Variants in MTARC2 observed in about 807,000 individuals in gnomAD.
MTARC2 encodes MOCO sulphurase C-terminal domain containing 2.
A neutral mutation model predicts 35.6 loss-of-function variants in MTARC2; 27 were observed. The observed-to-expected ratio is 0.76, with a 90% confidence interval of 0.56 to 1.04. The LOEUF (loss-of-function observed/expected upper bound fraction) is 1.04, where lower values mean the gene tolerates loss of function less well. Ranked by LOEUF, MTARC2 falls within the 50% of genes least tolerant of loss-of-function variation. MTARC2 has a pLI of 0.00. For synonymous variants in MTARC2, 158 were observed against 167.1 expected (o/e 0.95, Z 0.42); for missense variants, 412 against 432.5 (o/e 0.95, Z 0.42).
At chr1:220,752,900 A>G (rs1274184579) in intron 1 of MTARC2, among the ~76,000 whole-genome samples, 2 of 151,780 alleles carry the variant, frequency 1.3e-5, no homozygotes, top group Non-Finnish European at 2.9e-5. Flanking sequence ...AATAAATAAT[A>G]CACATATGCA....
intron 4 of MTARC2, among the ~76,000 whole-genome samples, chr1:220,770,112 A>G (rs1054572279): frequency 8.5e-5 from 13 of 152,078 alleles, no homozygotes; most frequent in Admixed American, 2.0e-4. Flanking sequence ...GTCTCAAAAA[A>G]ACAAAAACAA....
chr1:220,763,024 G>T lies in MTARC2; in HGVS notation c.724G>T (p.Val242Leu). The T allele has an allele frequency of 1.2e-6, 2 of 1,614,152 alleles. No individual in the cohort carries two copies. Among genetic ancestry groups the T allele is most frequent in the South Asian group, 2.2e-5 (2 of 91,078 alleles). ...KMENFRPNIV[V>L]TGCDAFEEDT... is the part of the protein sequence containing the mutation. ...GGAGAATTTCAGGCCAAATATTGTG[G>T]TGACCGGCTGTGATGCTTTTGAGGA... The change falls in exon 4 of 8, where the codon GTG becomes TTG. Residue 242 changes from valine to leucine, a missense_variant. Physicochemically the swap from Val to Leu is conservative, Grantham distance 32. Coordinates refer to ENST00000366913, the MANE Select transcript of MTARC2 (RefSeq NM_017898.5).
At chr1:220,757,104 G>A (rs2102546662) in intron 2 of MTARC2, among the ~76,000 whole-genome samples, 1 of 152,350 alleles carries the variant, frequency 6.6e-6, no homozygotes, top group South Asian at 2.1e-4. Flanking sequence ...GTTTCACCAT[G>A]TTGGCCAGGC....
At chr1:220,762,773 A>T in intron 3 of MTARC2, 137 bp from the exon 4 acceptor site, 1 of 922,714 alleles carries the variant, frequency 1.1e-6, no homozygotes, top group Non-Finnish European at 1.7e-6. Flanking sequence ...GCCCAAACTC[A>T]CATCTCTCTC....
chr1:220,759,226 GT>G (rs35138984), intron 2 of MTARC2, among the ~76,000 whole-genome samples: 1 of 152,142 alleles, frequency 6.6e-6, no homozygotes, highest in East Asian at 1.9e-4. Flanking sequence ...GTCTATTCAA[GT>G]TTTTATGTCC....
intron 1 of MTARC2, among the ~76,000 whole-genome samples, chr1:220,752,678 C>T (rs373894695): frequency 3.6e-4 from 55 of 151,998 alleles, no homozygotes; most frequent in African/African-American, 1.3e-3. Context: ...GGGACCCCAT[C>T]TCTACAAAAA....
intron 4 of MTARC2, among the ~76,000 whole-genome samples, chr1:220,765,719 T>C (rs991249131): frequency 6.6e-5 from 10 of 152,192 alleles, no homozygotes; most frequent in Admixed American, 6.5e-4. Context: ...TAGCTGGGAC[T>C]ACAGGCATAT....
intron 1 of MTARC2, among the ~76,000 whole-genome samples, chr1:220,753,281 T>G: frequency 6.6e-6 from 1 of 150,648 alleles, no homozygotes; most frequent in Non-Finnish European, 1.5e-5. Context: ...CTCAGTGGGG[T>G]GGGGACTTGC....
chr1:220,780,726 G>A (rs1225063976), intron 6 of MTARC2, among the ~76,000 whole-genome samples: 4 of 152,122 alleles, frequency 2.6e-5, no homozygotes, highest in African/African-American at 9.7e-5. Context: ...TTACAGGCAT[G>A]AGCCACCATA....
chr1:220,763,676 A>G (rs1671501073), intron 4 of MTARC2, among the ~76,000 whole-genome samples: 1 of 152,234 alleles, frequency 6.6e-6, no homozygotes, highest in South Asian at 2.1e-4. Context: ...GGTGATAAGA[A>G]GGATTAGCCA....
At chr1:220,753,891 A>G (rs1326702635) in intron 1 of MTARC2, among the ~76,000 whole-genome samples, 3 of 152,090 alleles carry the variant, frequency 2.0e-5, no homozygotes, top group Non-Finnish European at 4.4e-5. Context: ...CTCTACTAAA[A>G]GTACAAAAAT....
At chr1:220,779,962 A>G (rs1558076669) in intron 4 of MTARC2, 56 bp from the exon 5 acceptor site, 2 of 1,332,086 alleles carry the variant, frequency 1.5e-6, no homozygotes, top group South Asian at 1.5e-5. Context: ...AAGAATAAAC[A>G]GACTCAAAGG....
chr1:220,773,843 T>C (rs757134618), intron 4 of MTARC2, among the ~76,000 whole-genome samples: 6 of 152,122 alleles, frequency 3.9e-5, no homozygotes, highest in Non-Finnish European at 8.8e-5. Flanking sequence ...AGATTTATTA[T>C]GAAAAACAAA....
At chr1:220,774,952 T>C (rs998102573) in intron 4 of MTARC2, among the ~76,000 whole-genome samples, 3 of 151,532 alleles carry the variant, frequency 2.0e-5, no homozygotes, top group Admixed American at 6.6e-5. Flanking sequence ...CCCGTGTGTG[T>C]GCGTGTGTGT....
chr1:220,763,180 C>T (rs1032179542), intron 4 of MTARC2, 130 bp downstream of exon 4: 1 of 1,307,344 alleles, frequency 7.6e-7, no homozygotes, highest in Admixed American at 2.0e-5. Flanking sequence ...GCTGCCATCA[C>T]TCATTGCTTG....
At chr1:220,772,683 GGTGTGTGTGTGTGTGTTTGT>G (rs1311619749) in intron 4 of MTARC2, among the ~76,000 whole-genome samples, 1 of 147,958 alleles carries the variant, frequency 6.8e-6, no homozygotes, top group Admixed American at 6.7e-5. Flanking sequence ...CTCTGGGCAG[GGTGTGTGTGTGTGTGTTTGT>G]GTGTGTGTGT....
intron 4 of MTARC2, among the ~76,000 whole-genome samples, chr1:220,774,310 T>C (rs961744353): frequency 6.6e-6 from 1 of 152,136 alleles, no homozygotes; most frequent in African/African-American, 2.4e-5. Flanking sequence ...ACCCGAATAA[T>C]GATTATTGCA....
chr1:220,771,798 A>G (rs7553948), intron 4 of MTARC2, among the ~76,000 whole-genome samples: 48,358 of 151,900 alleles, frequency 0.32, 8,875 homozygotes, highest in East Asian at 0.68. Context: ...CAAATACCTA[A>G]TGCACGTGGG....
intron 2 of MTARC2, among the ~76,000 whole-genome samples, chr1:220,755,414 G>A (rs12041367): frequency 0.014 from 2,068 of 152,300 alleles, 31 homozygotes; most frequent in East Asian, 0.06. Flanking sequence ...CTGGAGGCAC[G>A]CTACGCCACG....
Sources: allele counts gnomAD v4.1 joint callset (sites outside exome capture counted in the v4.1 genomes callset), GRCh38; gene constraint gnomAD v4.1.1; transcripts MANE v1.5; gene names NCBI Gene and HGNC (gene_info 2026-07-23, HGNC 2026-07-21).